DDX19A: variants seen among roughly 807,000 people sequenced by gnomAD.
The protein encoded by DDX19A is ATP-dependent RNA helicase DDX19A.
A neutral mutation model predicts 60.6 loss-of-function variants in DDX19A; 12 were observed. The observed-to-expected ratio is 0.20, with a 90% CI of 0.13 to 0.32. DDX19A has a LOEUF of 0.32. DDX19A is among the 10% of genes least tolerant of loss of function. The pLI is 1.00. For missense variants in DDX19A, 337 were observed against 600.6 expected, an observed-to-expected ratio of 0.56 and a Z score of 4.59; for synonymous variants, 206 against 218.2, an observed-to-expected ratio of 0.94 and a Z score of 0.49.
intron 5 of DDX19A, chr16:70,363,207 T>G (rs1276478935): frequency 2.4e-4 from 36 of 151,876 alleles, no homozygotes; most frequent in Admixed American, 2.3e-3. Flanking sequence ...CAGGCTGGAG[T>G]GCAGTGGTGC....
At chr16:70,349,617 G>A (rs1031765470) in intron 1 of DDX19A, among the ~76,000 whole-genome samples, 3 of 152,184 alleles carry the variant, frequency 2.0e-5, no homozygotes, top group Non-Finnish European at 4.4e-5. Context: ...AGGAGAAGGA[G>A]CAGGTCAGAG....
chr16:70,367,553 A>T (rs758677169), intron 9 of DDX19A, among the ~76,000 whole-genome samples: 11 of 151,996 alleles, frequency 7.2e-5, no homozygotes, highest in Non-Finnish European at 1.3e-4. Context: ...AATATTTAAG[A>T]TCTCTGAAGA....
chr16:70,355,375 T>C, intron 2 of DDX19A, 110 bp from the exon 3 acceptor site: 1 of 891,272 alleles, frequency 1.1e-6, no homozygotes. Context: ...AAACTCCGTC[T>C]GAAAAATAAA....
At chr16:70,353,875 TG>T (rs1964103184) in intron 2 of DDX19A, among the ~76,000 whole-genome samples, 1 of 140,212 alleles carries the variant, frequency 7.1e-6, no homozygotes, top group Non-Finnish European at 1.5e-5. Flanking sequence ...CACTTCATCC[TG>T]GGCAACAGAG....
chr16:70,357,362 GTTTGTTTTTTTTTTTTTTTTTTT>G (rs1964235491), intron 4 of DDX19A, among the ~76,000 whole-genome samples: 2 of 48,876 alleles, frequency 4.1e-5, no homozygotes, highest in Non-Finnish European at 7.9e-5. Flanking sequence ...TCTGTTTTTG[GTTTGTTTTTTTTTTTTTTTTTTT>G]TTTTTTTTTT....
intron 6 of DDX19A, 111 bp downstream of exon 6, chr16:70,364,756 C>A: frequency 1.2e-6 from 1 of 824,908 alleles, no homozygotes. Context: ...GGCTGTGGCT[C>A]AGGCAGAGCA....
chr16:70,350,267 T>C (rs934859953), intron 1 of DDX19A, among the ~76,000 whole-genome samples: 5 of 152,098 alleles, frequency 3.3e-5, no homozygotes, highest in Non-Finnish European at 5.9e-5. Flanking sequence ...AATAAATAAA[T>C]AGAAAGAACT....
chr16:70,356,638 G>A (rs985941184), intron 4 of DDX19A, among the ~76,000 whole-genome samples: 9 of 152,004 alleles, frequency 5.9e-5, no homozygotes, highest in South Asian at 2.1e-4. Flanking sequence ...GATTACAGGC[G>A]TGAGCCACCG....
intron 1 of DDX19A, 40 bp downstream of exon 1, chr16:70,347,088 G>A (rs376800227): frequency 5.7e-4 from 911 of 1,589,878 alleles, no homozygotes; most frequent in Non-Finnish European, 6.9e-4. Flanking sequence ...CGTAGCAGGG[G>A]CCCAAGCGAA....
intron 5 of DDX19A, among the ~76,000 whole-genome samples, chr16:70,363,005 C>T (rs1402623463): frequency 6.9e-6 from 1 of 144,482 alleles, no homozygotes; most frequent in Admixed American, 7.0e-5. Flanking sequence ...CAGAGTAAGA[C>T]TCTGTCTCAA....
chr16:70,366,018 A>C (rs1190220277), intron 7 of DDX19A, 67 bp from the exon 8 acceptor site: 3 of 1,610,350 alleles, frequency 1.9e-6, no homozygotes, highest in East Asian at 4.5e-5. Context: ...AAGGATGGGC[A>C]GGGCTTTGAT....
At chr16:70,353,427 T>G (rs1964087478) in intron 2 of DDX19A, among the ~76,000 whole-genome samples, 1 of 152,148 alleles carries the variant, frequency 6.6e-6, no homozygotes, top group South Asian at 2.1e-4. Flanking sequence ...TTTTAAAATT[T>G]TTTTTAAGAC....
chr16:70,367,148 G>T (rs1015237663), intron 9 of DDX19A, among the ~76,000 whole-genome samples: 2 of 152,170 alleles, frequency 1.3e-5, no homozygotes, highest in African/African-American at 2.4e-5. Flanking sequence ...CAACAAGATG[G>T]CCGGGTACGG....
intron 7 of DDX19A, chr16:70,365,746 C>T (rs968893619): frequency 2.7e-6 from 1 of 372,626 alleles, no homozygotes; most frequent in Non-Finnish European, 5.1e-6. Context: ...TGTCACCGCA[C>T]TCTAGTCTGG....
At chr16:70,359,491 G>T (rs1157490338) in intron 4 of DDX19A, among the ~76,000 whole-genome samples, 2 of 152,126 alleles carry the variant, frequency 1.3e-5, no homozygotes, top group African/African-American at 4.8e-5. Context: ...CAATTTAGAG[G>T]TAGCAGAGAG....
chr16:70,352,476 G>A (rs1964047463), intron 2 of DDX19A, among the ~76,000 whole-genome samples: 1 of 151,744 alleles, frequency 6.6e-6, no homozygotes, highest in Non-Finnish European at 1.5e-5. Context: ...GTGGAGACGG[G>A]GTTTCACCAT....
intron 9 of DDX19A, among the ~76,000 whole-genome samples, chr16:70,367,460 C>T (rs187022475): frequency 7.9e-5 from 12 of 151,600 alleles, no homozygotes; most frequent in African/African-American, 2.9e-4. Flanking sequence ...ATAGTCATAA[C>T]ATTCACACAC....
intron 4 of DDX19A, chr16:70,360,691 G>C (rs1484214195): frequency 6.6e-6 from 1 of 152,118 alleles, no homozygotes; most frequent in East Asian, 1.9e-4. Flanking sequence ...TGCATAGCTG[G>C]CTTTGGAAGG....
At chr16:70,369,435 C>CCCGAAGT (rs898843100) in intron 9 of DDX19A, among the ~76,000 whole-genome samples, 3 of 151,842 alleles carry the variant, frequency 2.0e-5, no homozygotes, top group Non-Finnish European at 2.9e-5. Context: ...ACCTCGGCCT[C>CCCGAAGT]CCGAAGTGCT....
Sources: gnomAD v4.1 joint callset for allele counts (sites outside exome capture counted in the v4.1 genomes callset) on GRCh38, gnomAD v4.1.1 for gene constraint, MANE v1.5 for transcripts, NCBI Gene and HGNC (gene_info 2026-07-23, HGNC 2026-07-21) for gene names.